The following HNRNPU variants were observed in gnomAD, a reference collection of about 807,000 sequenced individuals.
HNRNPU encodes HNRNPU antisense RNA 1.
Under a neutral mutation model 94.7 loss-of-function variants are expected in HNRNPU, and 5 were observed. The ratio of observed to expected loss-of-function variants is 0.05; its 90% CI spans 0.03 to 0.11. The LOEUF (loss-of-function observed/expected upper bound fraction) is 0.11. HNRNPU is among the 10% of genes least tolerant of loss of function. HNRNPU has a pLI of 1.00. For missense variants in HNRNPU, 710 were observed against 1,049.2 expected (o/e 0.68, Z 4.47); for synonymous variants, 434 against 381.6 (o/e 1.14, Z -1.60).
Position 244,864,263 on chromosome 1 carries a change from C to T in HNRNPU, c.45G>A (p.Glu15=), listed in dbSNP as rs1178893670. The T allele has an allele frequency of 2.5e-6, 4 of 1,613,412 alleles. No individual in the cohort carries two copies. Among genetic ancestry groups the T allele is most frequent in the Middle Eastern group, 3.3e-4 (2 of 6,060 alleles). Residue 15 remains glutamate (E), a synonymous_variant, in exon 1 of 14, where the codon GAG becomes GAA. Coordinates refer to ENST00000640218, the MANE Select transcript of HNRNPU (RefSeq NM_031844.3). ...PVNVKKLKVS[E]LKEELKKRRL... is the part of the protein sequence containing the mutation. ...GTCGCTTCTTGAGCTCCTCTTTCAG[C>T]TCCGACACCTTCAGCTTTTTTACAT...
In HNRNPU at chr1:244,851,166, CA is replaced by C. The variant is rs1680539074; in HGVS notation, c.*3283del. Reference sequence around the variant, plus strand: ...ATGTATAGGAAGAGAATTATGGAAACACTTTGTAAAACATCCATTTATTATA... The same window carrying C: ...ATGTATAGGAAGAGAATTATGGAAACCTTTGTAAAACATCCATTTATTATA... On this transcript the variant is annotated 3_prime_UTR_variant, in exon 14 of 14. Transcript: ENST00000640218. The C allele has an allele frequency of 6.6e-6, 1 of 152,212 alleles. No individual in the cohort carries two copies. Among genetic ancestry groups the C allele is most frequent in the South Asian group, 2.1e-4 (1 of 4,830 alleles). The allele number at this position is 152,212 out of a possible 1,614,324, so 9.4% of individuals were successfully genotyped here. A position where few individuals can be genotyped will look rare whatever the true frequency, so the allele number is the denominator to read the frequency against.
At position 244,858,850 on chromosome 1, in the gene HNRNPU, ATAAT is replaced by A. The variant is rs778392648; in HGVS notation, c.1118-13_1118-10del. On this transcript the variant is annotated splice_polypyrimidine_tract_variant and intron_variant, in intron 5 of 13. Transcript: ENST00000640218. ...AGAAAATTCTTCTTCACCTAAGAAA[ATAAT>A]TAATCTTCATGAAGTAGATGTTTAA... 28 of 1,231,232 alleles carry A rather than the reference ATAAT, an allele frequency of 2.3e-5. No individual in the cohort carries two copies. The highest frequency in any genetic ancestry group is 1.9e-4 in the Middle Eastern group (1 of 5,276). 76.3% of individuals were successfully genotyped at this position (1,231,232 alleles called of 1,614,324 possible).
intron 1 of HNRNPU, 38 bp from the exon 2 acceptor site, chr1:244,862,768 AAAC>A (rs1558189670): frequency 1.1e-5 from 17 of 1,490,770 alleles, no homozygotes; most frequent in Admixed American, 3.4e-5. Context: ...CCAAGCCTCT[AAAC>A]AACAAAAAAA....
At chr1:244,854,853 CTTTACCCTATTAACACT>C in intron 13 of HNRNPU, 103 bp downstream of exon 13, 2 of 840,952 alleles carry the variant, frequency 2.4e-6, no homozygotes, top group Admixed American at 4.2e-5. Context: ...ACGATTCACA[CTTTACCCTATTAACACT>C]TATAAACACT....
At chr1:244,858,481 TAGAAGC>T (rs1680739260) in intron 6 of HNRNPU, 1 of 611,080 alleles carries the variant, frequency 1.6e-6, no homozygotes, top group Admixed American at 3.1e-5. Flanking sequence ...AATACTGACC[TAGAAGC>T]TAGACTGAAT....
chr1:244,857,097 C>T, intron 8 of HNRNPU: 1 of 371,946 alleles, frequency 2.7e-6, no homozygotes. Flanking sequence ...AAAACAGAAG[C>T]CTAGCCAGTG....
chr1:244,857,830 C>G lies in HNRNPU; in HGVS notation c.1495-113G>C, dbSNP rs9730334. Reference sequence around the variant, plus strand: ...TAAGTTTTCATAGCCCTTACACTAACGGACAAAAATTTGTTTATGGAAAGA... The same window carrying G: ...TAAGTTTTCATAGCCCTTACACTAAGGGACAAAAATTTGTTTATGGAAAGA... On this transcript the variant is annotated intron_variant, in intron 7 of 13. Coordinates refer to ENST00000640218, the MANE Select transcript of HNRNPU (RefSeq NM_031844.3). 0.16 allele frequency: 225,352 copies of G among 1,418,632 alleles called. 21,034 individuals are homozygous for G. Among genetic ancestry groups the G allele is most frequent in the African/African-American group, 0.39 (26,871 of 69,410 alleles). 87.9% of individuals were successfully genotyped at this position (1,418,632 alleles called of 1,614,324 possible). A position where few individuals can be genotyped will look rare whatever the true frequency, so the allele number is the denominator to read the frequency against.
At chr1:244,857,891 G>C (rs1486234541) in intron 7 of HNRNPU, 120 bp downstream of exon 7, 1 of 1,302,840 alleles carries the variant, frequency 7.7e-7, no homozygotes, top group Admixed American at 2.4e-5. Flanking sequence ...AATTACTTAA[G>C]AGCAATATGC....
chr1:244,863,416 ACACACGCGCGCGCG>A (rs1167116624), intron 1 of HNRNPU, among the ~76,000 whole-genome samples, 187 bp downstream of exon 1: 2 of 143,170 alleles, frequency 1.4e-5, no homozygotes, highest in African/African-American at 5.3e-5. Context: ...ACACACACAC[ACACACGCGCGCGCG>A]CACACACACG....
At position 244,852,863 on chromosome 1, in the gene HNRNPU, C is replaced by T. The variant is rs1239193647; in HGVS notation, c.*1587G>A. On this transcript the variant is annotated 3_prime_UTR_variant, in exon 14 of 14. Coordinates refer to ENST00000640218, the MANE Select transcript of HNRNPU (RefSeq NM_031844.3). ...AGACTGAAGTCAAATTTTAGTTCTACAGTTTGACTCCTGATTCCTCACTTC... is the reference window on the plus strand; with the variant it reads ...AGACTGAAGTCAAATTTTAGTTCTATAGTTTGACTCCTGATTCCTCACTTC... 1 of 152,598 alleles carries T rather than the reference C, an allele frequency of 6.6e-6. No homozygotes were observed. The highest frequency in any genetic ancestry group is 1.5e-5 in the Non-Finnish European group (1 of 68,000). The allele number at this position is 152,598 out of a possible 1,614,324, so 9.5% of individuals were successfully genotyped here. A position where few individuals can be genotyped will look rare whatever the true frequency, so the allele number is the denominator to read the frequency against.
rs1191866183 is a variant in HNRNPU, at chr1:244,855,570, T to C, written c.2206A>G (p.Met736Val). The change falls in exon 12 of 14, where the codon ATG (methionine) becomes GTG (valine). Residue 736 changes from methionine to valine, a missense_variant. Physicochemically the swap from Met to Val is conservative, Grantham distance 21. Transcript: ENST00000640218. Reference sequence around the variant, plus strand: ...CCACCGCCACCACCTCTCTGTGGCATGTTGCCCCTCCTATTATATCCGCCA... The same window carrying C: ...CCACCGCCACCACCTCTCTGTGGCACGTTGCCCCTCCTATTATATCCGCCA... ...NRGGYNRRGN[M>V]PQRGGGGGGS... The C allele has an allele frequency of 2.5e-6, 4 of 1,613,720 alleles. No individual in the cohort carries two copies. The Admixed American group carries it at 6.7e-5, about 27-fold the overall frequency.
In HNRNPU at chr1:244,862,488, C is replaced by T; in HGVS notation, c.850G>A (p.Asp284Asn). 6.2e-7 allele frequency: 1 copy of T among 1,613,110 alleles called. No homozygotes were observed. The highest frequency in any genetic ancestry group is 1.1e-5 in the South Asian group (1 of 91,020). Residue 284 changes from aspartate (D) to asparagine (N), a missense_variant, in exon 3 of 14, where the codon GAT (aspartate) becomes AAT (asparagine). Around this residue, in one of 8 missense-constraint regions of HNRNPU, gnomAD observed 22 missense variants for 16.7 expected, o/e 1.32. Coordinates refer to ENST00000640218, the MANE Select transcript of HNRNPU (RefSeq NM_031844.3). ...GTATCAAGACAAACCACTGTGTCAT[C>T]GAAGTGTTCATCTTCTTCTTCAACA... Reference protein sequence around the residue: ...PPVEEEDEHFDDTVVCLDTYN... With the variant: ...PPVEEEDEHFNDTVVCLDTYN...
At position 244,851,435 on chromosome 1, in the gene HNRNPU, C is replaced by G. The variant is rs1378129693; in HGVS notation, c.*3015G>C. 1 of 152,120 alleles carries G rather than the reference C, an allele frequency of 6.6e-6. No individual in the cohort carries two copies. The highest frequency in any genetic ancestry group is 1.5e-5 in the Non-Finnish European group (1 of 68,020). 9.4% of individuals were successfully genotyped at this position (152,120 alleles called of 1,614,324 possible). ...TTATCAAAAAACATGTCATCCAATT[C>G]CCACAAATGAGACATTTTAAATACA... On this transcript the variant is annotated 3_prime_UTR_variant, in exon 14 of 14. Transcript: ENST00000640218.
intron 1 of HNRNPU, chr1:244,863,248 T>C (rs1256778012): frequency 5.8e-6 from 1 of 173,610 alleles, no homozygotes; most frequent in African/African-American, 2.5e-5. Flanking sequence ...CCGAGACATG[T>C]GCCCGCACCG....
intron 10 of HNRNPU, 40 bp from the exon 11 acceptor site, chr1:244,856,198 C>T (rs369746663): frequency 1.7e-5 from 26 of 1,564,544 alleles, no homozygotes; most frequent in Non-Finnish European, 2.2e-5. Flanking sequence ...TAGAAACCCA[C>T]CACGAATCCT....
At position 244,860,639 on chromosome 1, in the gene HNRNPU, A is replaced by G. The variant is rs1680801835; in HGVS notation, c.878-165T>C. 5.0e-6 allele frequency: 3 copies of G among 606,042 alleles called. No homozygotes were observed. The East Asian group carries it at 8.6e-5, about 17-fold the overall frequency. 37.5% of individuals were successfully genotyped at this position (606,042 alleles called of 1,614,324 possible). On this transcript the variant is annotated intron_variant, in intron 3 of 13. Coordinates refer to ENST00000640218, the MANE Select transcript of HNRNPU (RefSeq NM_031844.3). ...ATTTTCAGTTTAAAGCCCCACTCCCACCAAGTCACTCCTGTTAAATTATGT... is the reference window on the plus strand; with the variant it reads ...ATTTTCAGTTTAAAGCCCCACTCCCGCCAAGTCACTCCTGTTAAATTATGT...
chr1:244,862,049 T>G (rs1680845173), intron 3 of HNRNPU: 1 of 159,532 alleles, frequency 6.3e-6, no homozygotes, highest in Non-Finnish European at 1.4e-5. Flanking sequence ...ACTTGTGTGC[T>G]AATGGGAGAA....
At chr1:244,863,412 ACACACACACGCGCGCGCG>A (rs1452873059) in intron 1 of HNRNPU, among the ~76,000 whole-genome samples, 187 bp downstream of exon 1, 20 of 143,982 alleles carry the variant, frequency 1.4e-4, no homozygotes, top group Admixed American at 6.2e-4. Flanking sequence ...ACACACACAC[ACACACACACGCGCGCGCG>A]CACACACACG....
In HNRNPU at chr1:244,858,104, A is replaced by G; in HGVS notation, c.1401T>C (p.Phe467=). 6.2e-7 allele frequency: 1 copy of G among 1,614,170 alleles called. No homozygotes were observed. The highest frequency in any genetic ancestry group is 1.6e-4 in the Middle Eastern group (1 of 6,062). Reference sequence around the variant, plus strand: ...TGAAAGTATACTCTTCAGGTATTGGAAAATATGGCTTTTCCTTCTGACCAA... The same window carrying G: ...TGAAAGTATACTCTTCAGGTATTGGGAAATATGGCTTTTCCTTCTGACCAA... ...FNFGQKEKPY[F]PIPEEYTFIQ... Residue 467 remains phenylalanine (F), a synonymous_variant, in exon 7 of 14, where the codon TTT becomes TTC. Transcript: ENST00000640218.
Sources: gnomAD v4.1 joint callset for allele counts (sites outside exome capture counted in the v4.1 genomes callset) on GRCh38, gnomAD v4.1.1 for gene constraint, gnomAD v4.1.1 regional missense constraint, MANE v1.5 for transcripts, NCBI Gene and HGNC (gene_info 2026-07-23, HGNC 2026-07-21) for gene names.